WDR49: variants seen among roughly 807,000 people sequenced by gnomAD.
WDR49 encodes cilia- and flagella-associated protein 337.
In WDR49, 107 loss-of-function variants were observed where a neutral mutation model predicts 119.5. That is an observed-to-expected ratio of 0.90 (90% CI 0.77 to 1.05). The LOEUF is 1.05. Ranked by LOEUF, WDR49 falls within the 50% of genes least tolerant of loss-of-function variation. WDR49 has a pLI of 0.00. For synonymous variants in WDR49, 425 were observed against 418.8 expected (o/e 1.01, Z -0.18); for missense variants, 1,240 against 1,220.5 (o/e 1.02, Z -0.24).
chr3:167,514,027 C>G (rs1259489084), intron 16 of WDR49, among the ~76,000 whole-genome samples: 1 of 152,150 alleles, frequency 6.6e-6, no homozygotes, highest in Non-Finnish European at 1.5e-5. Flanking sequence ...CTTTAACACC[C>G]AACTGTCAAT....
intron 10 of WDR49, among the ~76,000 whole-genome samples, chr3:167,538,541 C>T (rs1267779440): frequency 1.3e-5 from 2 of 152,004 alleles, no homozygotes; most frequent in East Asian, 3.9e-4. Context: ...CTAGTCTACC[C>T]ATCTCTGGCA....
intron 10 of WDR49, among the ~76,000 whole-genome samples, chr3:167,552,002 A>C (rs1445189087): frequency 6.6e-6 from 1 of 152,074 alleles, no homozygotes; most frequent in Admixed American, 6.6e-5. Flanking sequence ...AATAAATGTT[A>C]GCCAAATGAA....
At chr3:167,526,876 A>G (rs1752652318) in intron 15 of WDR49, among the ~76,000 whole-genome samples, 1 of 149,576 alleles carries the variant, frequency 6.7e-6, no homozygotes, top group African/African-American at 2.5e-5. Flanking sequence ...GCTCCTAAAT[A>G]GAACCAAATC....
chr3:167,534,877 T>G (rs1421760691), intron 11 of WDR49, among the ~76,000 whole-genome samples: 3 of 152,170 alleles, frequency 2.0e-5, no homozygotes, highest in Admixed American at 6.6e-5. Flanking sequence ...GGCTAAATTA[T>G]GCCAAAGAGT....
At chr3:167,533,612 T>C (rs181665022) in intron 11 of WDR49, among the ~76,000 whole-genome samples, 2 of 152,240 alleles carry the variant, frequency 1.3e-5, no homozygotes, top group Admixed American at 1.3e-4. Context: ...ATATTGTCTT[T>C]ATTGAATATT....
At position 167,554,705 on chromosome 3, in the gene WDR49, T is replaced by A. The variant is rs1228823711; in HGVS notation, c.1768A>T (p.Ile590Leu). The change falls in exon 10 of 19, where the codon ATA becomes TTA. Residue 590 changes from isoleucine to leucine, a missense_variant. Physicochemically the swap from Ile to Leu is conservative, Grantham distance 5 (BLOSUM62 2). Transcript: ENST00000682715. ...TACCTCTCCCAGCCTGTAACCAGTA[T>A]TTTCTTCTTAAGAATGAGGATTTGT... ...ISQILILKKKILVTGWERYDY... is the reference protein window; with the variant it reads ...ISQILILKKKLLVTGWERYDY... 6.2e-7 allele frequency: 1 copy of A among 1,613,296 alleles called. No homozygotes were observed. The highest frequency in any genetic ancestry group is 8.5e-7 in the Non-Finnish European group (1 of 1,179,546).
chr3:167,531,107 T>C lies in WDR49; in HGVS notation c.2218+8A>G. 3.1e-6 allele frequency: 5 copies of C among 1,605,140 alleles called. No homozygotes were observed. The highest frequency in any genetic ancestry group is 4.3e-6 in the Non-Finnish European group (5 of 1,176,328). On this transcript the variant is annotated splice_region_variant and intron_variant, in intron 13 of 18. Transcript: ENST00000682715. The stretch of plus-strand genomic sequence containing the variant: ...CAACTATATGTAAAATGTAAATATA[T>C]ATTTTACCTGTCACTGCAGTGTTTT...
chr3:167,637,182 T>C (rs1365463212), intron 2 of WDR49, among the ~76,000 whole-genome samples: 1 of 151,698 alleles, frequency 6.6e-6, no homozygotes, highest in Non-Finnish European at 1.5e-5. Context: ...AGGTGAGACA[T>C]GAGAACCCAG....
chr3:167,480,857 T>C (rs1471246178), intron 18 of WDR49, among the ~76,000 whole-genome samples: 1 of 152,158 alleles, frequency 6.6e-6, no homozygotes, highest in Non-Finnish European at 1.5e-5. Context: ...CTTATATACA[T>C]GGATGCTAAA....
At chr3:167,629,156 G>A (rs1028223937) in intron 2 of WDR49, among the ~76,000 whole-genome samples, 2 of 152,070 alleles carry the variant, frequency 1.3e-5, no homozygotes, top group African/African-American at 2.4e-5. Context: ...GGAAGCTGAG[G>A]TAGGGGTGTC....
At chr3:167,620,843 T>C (rs898549290) in intron 4 of WDR49, among the ~76,000 whole-genome samples, 1 of 152,154 alleles carries the variant, frequency 6.6e-6, no homozygotes, top group Non-Finnish European at 1.5e-5. Context: ...ATAGTAAGAA[T>C]GAAAAGCTTT....
At chr3:167,492,935 G>A (rs928767402) in intron 18 of WDR49, among the ~76,000 whole-genome samples, 3 of 151,858 alleles carry the variant, frequency 2.0e-5, no homozygotes, top group Non-Finnish European at 4.4e-5. Context: ...AGCATGGAGA[G>A]GCGGATAAGA....
chr3:167,503,114 C>T lies in WDR49; in HGVS notation c.2884+2193G>A, dbSNP rs563146483. On this transcript the variant is annotated intron_variant, in intron 17 of 18. Coordinates refer to ENST00000682715, the MANE Select transcript of WDR49 (RefSeq NM_001366157.1). ...CCAGCTCCAGCTGTGGCTCAAAGGG[C>T]CCCAGATACAACTCAGGCAGCCACT... is the stretch of plus-strand genomic sequence containing the variant. Among the ~76,000 whole-genome samples the T allele has an allele frequency of 4.6e-5, 7 of 152,308 alleles. No individual in the cohort carries two copies. The East Asian group carries it at 1.2e-3, about 25-fold the overall frequency.
chr3:167,630,569 A>C (rs1717326775), intron 2 of WDR49, among the ~76,000 whole-genome samples: 1 of 152,120 alleles, frequency 6.6e-6, no homozygotes, highest in Admixed American at 6.6e-5. Flanking sequence ...TGAAGCCAGT[A>C]AAATTACCCC....
At chr3:167,657,768 C>T (rs1231709629), upstream of WDR49, among the ~76,000 whole-genome samples, 3 of 152,064 alleles carry the variant, frequency 2.0e-5, 1 homozygote, top group Admixed American at 1.3e-4. Flanking sequence ...CAAGTCCTCA[C>T]TGCTCCTTCT....
chr3:167,498,248 A>G (rs1316776866), intron 18 of WDR49, among the ~76,000 whole-genome samples: 1 of 152,148 alleles, frequency 6.6e-6, no homozygotes, highest in East Asian at 1.9e-4. Flanking sequence ...AGAAGTTTAA[A>G]CCTTCCCTCT....
At chr3:167,542,522 C>A (rs1711909299) in intron 10 of WDR49, among the ~76,000 whole-genome samples, 1 of 152,072 alleles carries the variant, frequency 6.6e-6, no homozygotes, top group South Asian at 2.1e-4. Context: ...ATTAAGTAAT[C>A]TGCTCCTCAA....
chr3:167,586,266 C>G (rs1714808597), intron 7 of WDR49, among the ~76,000 whole-genome samples: 1 of 152,070 alleles, frequency 6.6e-6, no homozygotes, highest in Non-Finnish European at 1.5e-5. Context: ...GAGAGTTTGA[C>G]ATAGGCTTCA....
At chr3:167,637,114 TTA>T (rs1224616475) in intron 2 of WDR49, among the ~76,000 whole-genome samples, 1 of 151,904 alleles carries the variant, frequency 6.6e-6, no homozygotes, top group Admixed American at 6.6e-5. Flanking sequence ...TCTAGAATTT[TTA>T]TAGTTTCAGG....
Sources: allele counts gnomAD v4.1 joint callset (sites outside exome capture counted in the v4.1 genomes callset), GRCh38; gene constraint gnomAD v4.1.1; transcripts MANE v1.5; gene names NCBI Gene and HGNC (gene_info 2026-07-23, HGNC 2026-07-21).